Variants in ABI3BP observed in about 807,000 individuals in gnomAD.
ABI3BP encodes the protein target of Nesh-SH3.
In ABI3BP, 216 loss-of-function variants were observed where a neutral mutation model predicts 268.6. That is an observed-to-expected ratio of 0.80 (90% CI 0.72 to 0.90). ABI3BP has a LOEUF of 0.90. Ranked by LOEUF, ABI3BP falls within the 40% of genes least tolerant of loss-of-function variation. The pLI, the probability that ABI3BP is intolerant of heterozygous loss-of-function variation, is 0.00. For missense variants in ABI3BP, 2,090 were observed against 2,182.4 expected, an observed-to-expected ratio of 0.96 and a Z score of 0.84; for synonymous variants, 730 against 730.0, an observed-to-expected ratio of 1.00 and a Z score of 0.00.
At chr3:100,767,121 G>A (rs2096309814) in intron 62 of ABI3BP, among the ~76,000 whole-genome samples, 1 of 151,988 alleles carries the variant, frequency 6.6e-6, no homozygotes, top group Non-Finnish European at 1.5e-5. Flanking sequence ...CTAATTTTTT[G>A]TAGAGACAGG....
intron 31 of ABI3BP, among the ~76,000 whole-genome samples, chr3:100,831,877 C>A (rs998396946): frequency 1.3e-5 from 2 of 152,150 alleles, no homozygotes; most frequent in Admixed American, 6.5e-5. Context: ...GCAGGAACAG[C>A]TTTTGTTTAC....
intron 10 of ABI3BP, among the ~76,000 whole-genome samples, chr3:100,865,315 A>G (rs1047109871): frequency 1.3e-5 from 2 of 152,214 alleles, no homozygotes; most frequent in African/African-American, 2.4e-5. Context: ...TTATTAAACG[A>G]ATAAATGGGC....
At chr3:100,861,473 A>T (rs1199722151) in intron 14 of ABI3BP, among the ~76,000 whole-genome samples, 1 of 152,184 alleles carries the variant, frequency 6.6e-6, no homozygotes, top group Non-Finnish European at 1.5e-5. Context: ...CAACTAGAAG[A>T]TTTACAAAAA....
intron 64 of ABI3BP, among the ~76,000 whole-genome samples, 182 bp downstream of exon 64, chr3:100,754,430 G>T (rs573934763): frequency 1.3e-5 from 2 of 152,188 alleles, no homozygotes; most frequent in African/African-American, 4.8e-5. Flanking sequence ...GTGTCTTTAA[G>T]TGAGGAAAAA....
chr3:100,966,268 A>G (rs1184297419), intron 1 of ABI3BP, among the ~76,000 whole-genome samples: 2 of 152,216 alleles, frequency 1.3e-5, no homozygotes, highest in African/African-American at 4.8e-5. Context: ...TAATTTGATC[A>G]TCTAGCTAAC....
At chr3:100,981,264 C>T (rs1562272964) in intron 1 of ABI3BP, among the ~76,000 whole-genome samples, 1 of 151,292 alleles carries the variant, frequency 6.6e-6, no homozygotes, top group Non-Finnish European at 1.5e-5. Context: ...ATAAAGTGTG[C>T]ATTGTCTTCC....
intron 20 of ABI3BP, among the ~76,000 whole-genome samples, chr3:100,842,900 A>T (rs575667746): frequency 6.6e-6 from 1 of 152,314 alleles, no homozygotes; most frequent in East Asian, 1.9e-4. Flanking sequence ...CTTTTCTTAA[A>T]GAAAGAAACT....
intron 12 of ABI3BP, 70 bp downstream of exon 12, chr3:100,863,932 A>G: frequency 8.5e-7 from 1 of 1,170,214 alleles, no homozygotes; most frequent in South Asian, 1.3e-5. Flanking sequence ...AATTAATTCA[A>G]AAGACTTCTT....
rs371382837 is a variant in ABI3BP, at chr3:100,868,712, G to A, written c.911-1756C>T. Among the ~76,000 whole-genome samples the A allele has an allele frequency of 1.7e-4, 26 of 152,300 alleles. No homozygotes were observed. In the East Asian group the frequency reaches 4.6e-3, roughly 27 times the overall value. ...TAAATGATAATTTGCAACAAATTGT[G>A]TGTTTCTGAAGTTGCAAAGCATGTT... On this transcript the variant is annotated intron_variant, in intron 9 of 67. Coordinates refer to ENST00000471714, the MANE Select transcript of ABI3BP (RefSeq NM_001375547.2).
intron 41 of ABI3BP, among the ~76,000 whole-genome samples, chr3:100,818,021 G>C (rs1185849996): frequency 2.6e-5 from 4 of 152,156 alleles, no homozygotes; most frequent in Admixed American, 1.3e-4. Context: ...GATGAATAAA[G>C]AGTCAGTCTA....
chr3:100,765,451 A>G (rs776742364), intron 63 of ABI3BP, among the ~76,000 whole-genome samples: 14 of 152,224 alleles, frequency 9.2e-5, no homozygotes, highest in Non-Finnish European at 1.5e-4. Context: ...ATTTTGTCAC[A>G]AGACTTTCCT....
chr3:100,770,771 C>T lies in ABI3BP; in HGVS notation c.4713G>A (p.Trp1571Ter), dbSNP rs377508615. The stretch of plus-strand genomic sequence containing the variant: ...TGACAGTGTCATTTAGTGGCTTTTC[C>T]CAGTCCAAGATGACAAATGAGGGGC... ...EGCPSFVILD[W>*]EKPLNDTVTE... The change falls in exon 62 of 68, where the codon TGG becomes TGA. Residue 1571 changes from tryptophan (W) to a stop codon, truncating the protein, a stop_gained. Coordinates refer to ENST00000471714, the MANE Select transcript of ABI3BP (RefSeq NM_001375547.2). LOFTEE classifies it high-confidence loss of function. The T allele has an allele frequency of 2.0e-6, 3 of 1,536,996 alleles. No homozygotes were observed. The highest frequency in any genetic ancestry group is 2.6e-6 in the Non-Finnish European group (3 of 1,140,048).
chr3:100,901,520 T>C (rs992859829), intron 3 of ABI3BP, among the ~76,000 whole-genome samples: 2 of 152,048 alleles, frequency 1.3e-5, no homozygotes, highest in African/African-American at 2.4e-5. Flanking sequence ...TCCCAGCACT[T>C]TGGGAGAGCG....
rs959008339 is a variant in ABI3BP at position 100,902,812 on chromosome 3, G to A, written c.260-126C>T. ...TAACCGCAGCTCCAGGGAGTGAGAG[G>A]ACCCAATAATCCGAAAAGTTGACAC... is the stretch of plus-strand genomic sequence containing the variant. On this transcript the variant is annotated intron_variant, in intron 2 of 67. Coordinates refer to ENST00000471714, the MANE Select transcript of ABI3BP (RefSeq NM_001375547.2). 28 of 684,526 alleles carry A rather than the reference G, an allele frequency of 4.1e-5. No homozygotes were observed. In the South Asian group the frequency reaches 5.6e-4, roughly 14 times the overall value. The allele number at this position is 684,526 out of a possible 1,614,324, so 42.4% of individuals were successfully genotyped here.
chr3:100,788,229 G>T (rs2097106790), intron 56 of ABI3BP, among the ~76,000 whole-genome samples: 1 of 152,120 alleles, frequency 6.6e-6, no homozygotes, highest in Non-Finnish European at 1.5e-5. Context: ...CCTTTTGTGG[G>T]AATCCCTAGG....
At chr3:100,901,642 T>C (rs937222214) in intron 3 of ABI3BP, among the ~76,000 whole-genome samples, 8 of 151,892 alleles carry the variant, frequency 5.3e-5, no homozygotes, top group African/African-American at 1.9e-4. Context: ...GGTGGGCGCC[T>C]GTAGTCCCAG....
intron 2 of ABI3BP, among the ~76,000 whole-genome samples, chr3:100,917,550 C>A (rs752103032): frequency 6.6e-6 from 1 of 152,152 alleles, no homozygotes; most frequent in Non-Finnish European, 1.5e-5. Flanking sequence ...GACCCCTTCT[C>A]CATAGCAAGA....
chr3:100,777,953 C>T (rs1235986223), intron 59 of ABI3BP, among the ~76,000 whole-genome samples: 2 of 152,164 alleles, frequency 1.3e-5, no homozygotes, highest in Non-Finnish European at 2.9e-5. Flanking sequence ...GTCATCACAT[C>T]TATTATTCCT....
At chr3:100,800,715 G>A (rs933802716) in intron 51 of ABI3BP, among the ~76,000 whole-genome samples, 20 of 152,112 alleles carry the variant, frequency 1.3e-4, no homozygotes, top group Non-Finnish European at 2.5e-4. Flanking sequence ...TCCTGACCTC[G>A]TGATCCTCCC....
Sources: allele counts gnomAD v4.1 joint callset (sites outside exome capture counted in the v4.1 genomes callset), GRCh38; gene constraint gnomAD v4.1.1; transcripts MANE v1.5; gene names NCBI Gene and HGNC (gene_info 2026-07-23, HGNC 2026-07-21).